Variants in LDB2 observed in about 807,000 individuals in gnomAD.
LDB2 encodes the protein LIM domain binding 2, also known as LIM domain-binding protein 2.
A neutral mutation model predicts 44.3 loss-of-function variants in LDB2; 12 were observed. The observed-to-expected ratio is 0.27, with a 90% confidence interval of 0.17 to 0.44. LDB2 has a LOEUF of 0.44. LDB2 is among the 20% of genes least tolerant of loss of function. The probability of loss-of-function intolerance (pLI) is 1.00; values close to 1 mark genes in which losing one functional copy is unlikely to be tolerated. For synonymous variants in LDB2, 164 were observed against 174.8 expected (o/e 0.94, Z 0.49); for missense variants, 344 against 473.5 (o/e 0.73, Z 2.54).
chr4:16,885,714 A>G (rs1053298537), intron 1 of LDB2, among the ~76,000 whole-genome samples: 12 of 152,334 alleles, frequency 7.9e-5, no homozygotes, highest in African/African-American at 2.9e-4. Context: ...GTGAAAGATT[A>G]CGTGCTCGCT....
At position 16,592,760 on chromosome 4, in the gene LDB2, A is replaced by C. The variant is rs182224173; in HGVS notation, c.408+2943T>G. Among the ~76,000 whole-genome samples, 918 of 152,114 alleles carry C rather than the reference A, an allele frequency of 6.0e-3. 3 individuals carry two copies. Among genetic ancestry groups the C allele is most frequent in the Middle Eastern group, 0.01 (3 of 294 alleles). ...AGAAAACATAAACCAATCTTTATAG[A>C]GATGATAAGGGTGGCCAATAATGGC... On this transcript the variant is annotated intron_variant, in intron 3 of 7. Coordinates refer to ENST00000304523, the MANE Select transcript of LDB2 (RefSeq NM_001290.5).
chr4:16,741,892 T>C (rs1435080170), intron 2 of LDB2, among the ~76,000 whole-genome samples: 1 of 152,084 alleles, frequency 6.6e-6, no homozygotes, highest in African/African-American at 2.4e-5. Context: ...TGATCTAGAG[T>C]CTATATTTTA....
intron 2 of LDB2, among the ~76,000 whole-genome samples, chr4:16,722,293 A>G (rs1758437635): frequency 6.6e-6 from 1 of 152,164 alleles, no homozygotes; most frequent in Non-Finnish European, 1.5e-5. Flanking sequence ...AGTGAGGCAC[A>G]GAAAGTAGCT....
chr4:16,668,827 C>T (rs1469635193), intron 2 of LDB2, among the ~76,000 whole-genome samples: 2 of 152,228 alleles, frequency 1.3e-5, no homozygotes, highest in Admixed American at 6.5e-5. Flanking sequence ...TGTCTCACCT[C>T]TGCCTTAGTT....
intron 2 of LDB2, among the ~76,000 whole-genome samples, chr4:16,714,936 A>G (rs1390513480): frequency 6.6e-6 from 1 of 152,162 alleles, no homozygotes; most frequent in African/African-American, 2.4e-5. Flanking sequence ...GATCTCATCA[A>G]GAACTTTACA....
At chr4:16,841,916 C>T (rs941942136) in intron 1 of LDB2, among the ~76,000 whole-genome samples, 5 of 152,080 alleles carry the variant, frequency 3.3e-5, no homozygotes, top group Middle Eastern at 3.2e-3. Context: ...CCTAACACAC[C>T]GTAAACTCTT....
chr4:16,833,310 C>T (rs891603389), intron 1 of LDB2, among the ~76,000 whole-genome samples: 45 of 152,146 alleles, frequency 3.0e-4, no homozygotes, highest in Non-Finnish European at 5.4e-4. Flanking sequence ...TAAGATGAGA[C>T]CTTTCTTATA....
chr4:16,528,683 C>CAGTAAGGT (rs1267997794), intron 5 of LDB2, among the ~76,000 whole-genome samples: 3 of 152,180 alleles, frequency 2.0e-5, no homozygotes, highest in African/African-American at 7.2e-5. Flanking sequence ...CCACCAGAAC[C>CAGTAAGGT]AGTAAGGTAT....
chr4:16,781,628 T>A (rs1773253304), intron 1 of LDB2, among the ~76,000 whole-genome samples: 1 of 152,166 alleles, frequency 6.6e-6, no homozygotes, highest in Non-Finnish European at 1.5e-5. Context: ...AGAACACTGA[T>A]GCTCATCAAA....
intron 2 of LDB2, among the ~76,000 whole-genome samples, chr4:16,654,002 T>C (rs1218573222): frequency 2.6e-5 from 4 of 152,208 alleles, no homozygotes; most frequent in East Asian, 3.9e-4. Flanking sequence ...TGGAACTTGG[T>C]CGCCACTCTG....
chr4:16,871,230 G>C (rs954159789), intron 1 of LDB2, among the ~76,000 whole-genome samples: 2 of 152,174 alleles, frequency 1.3e-5, no homozygotes, highest in African/African-American at 4.8e-5. Flanking sequence ...ATAATGGTGT[G>C]TGTCTTTTCT....
At chr4:16,894,699 A>C (rs1424748253) in intron 1 of LDB2, among the ~76,000 whole-genome samples, 1 of 152,162 alleles carries the variant, frequency 6.6e-6, no homozygotes, top group East Asian at 1.9e-4. Context: ...ACCAGGCCCC[A>C]AAAAACTTCA....
At chr4:16,867,609 T>C (rs1054553697) in intron 1 of LDB2, among the ~76,000 whole-genome samples, 18 of 152,260 alleles carry the variant, frequency 1.2e-4, no homozygotes, top group Admixed American at 2.0e-4. Flanking sequence ...CCAGGAGATA[T>C]AGCTACTTAA....
intron 7 of LDB2, among the ~76,000 whole-genome samples, chr4:16,505,582 C>T (rs1305374609): frequency 2.0e-5 from 3 of 152,110 alleles, no homozygotes; most frequent in Non-Finnish European, 4.4e-5. Flanking sequence ...TTCTAGGCTG[C>T]CTCTGATTAG....
chr4:16,847,912 A>C (rs376410079), intron 1 of LDB2, among the ~76,000 whole-genome samples: 3 of 152,248 alleles, frequency 2.0e-5, no homozygotes, highest in Admixed American at 1.3e-4. Context: ...CACCGCGCCC[A>C]GCCTAACACA....
rs538583264 is a variant in LDB2, at chr4:16,645,133, C to T, written c.236-49258G>A. Among the ~76,000 whole-genome samples the T allele has an allele frequency of 2.4e-3, 372 of 152,372 alleles. 1 individual carries two copies. Among genetic ancestry groups the T allele is most frequent in the African/African-American group, 8.1e-3 (336 of 41,598 alleles). ...ATAAGTGCATTGATAGCTATGACAC[C>T]TTTTAGGCAAAAGATCAAGTCCCGA... On this transcript the variant is annotated intron_variant, in intron 2 of 7. Transcript: ENST00000304523.
chr4:16,666,549 C>T (rs763583520), intron 2 of LDB2, among the ~76,000 whole-genome samples: 1 of 152,134 alleles, frequency 6.6e-6, no homozygotes, highest in African/African-American at 2.4e-5. Flanking sequence ...GCTGGTTCTT[C>T]GAGTGTTGCT....
intron 1 of LDB2, among the ~76,000 whole-genome samples, chr4:16,881,818 T>G (rs182296763): frequency 1.6e-3 from 246 of 152,252 alleles, no homozygotes; most frequent in African/African-American, 5.7e-3. Flanking sequence ...AAGGTTTAGA[T>G]TACAATAAGT....
intron 5 of LDB2, among the ~76,000 whole-genome samples, chr4:16,536,617 T>TC (rs1168156295): frequency 6.6e-6 from 1 of 152,222 alleles, no homozygotes; most frequent in Admixed American, 6.5e-5. Flanking sequence ...CACATTTTTT[T>TC]CTCACTCAAC....
Sources: allele counts gnomAD v4.1 joint callset (sites outside exome capture counted in the v4.1 genomes callset), GRCh38; gene constraint gnomAD v4.1.1; transcripts MANE v1.5; gene names NCBI Gene and HGNC (gene_info 2026-07-23, HGNC 2026-07-21).